Variants in FARP2 observed in about 807,000 individuals in gnomAD.
FARP2 encodes the protein FERM, ARHGEF and pleckstrin domain-containing protein 2.
In FARP2, 111 loss-of-function variants were observed where a neutral mutation model predicts 130.5. The ratio of observed to expected loss-of-function variants is 0.85; its 90% CI spans 0.73 to 1.00. The LOEUF (loss-of-function observed/expected upper bound fraction) is 1.00. Among genes scored for constraint, FARP2 ranks in the 50% least tolerant of loss-of-function variants. The probability of loss-of-function intolerance (pLI) is 0.00; values close to 1 mark genes in which losing one functional copy is unlikely to be tolerated. For synonymous variants in FARP2, 504 were observed against 516.9 expected, an observed-to-expected ratio of 0.98 and a Z score of 0.34; for missense variants, 1,385 against 1,346.3, an observed-to-expected ratio of 1.03 and a Z score of -0.45.
Position 241,431,783 on chromosome 2 carries a change from T to A in FARP2, c.867+9T>A. On this transcript the variant is annotated intron_variant, in intron 9 of 26. Coordinates refer to ENST00000264042, the MANE Select transcript of FARP2 (RefSeq NM_014808.4). ...TTCATCCAGAGGTTCATGTAAGTAT[T>A]ATTTTCAACTTTTTATTTTTATTTT... 9.4e-7 allele frequency: 1 copy of A among 1,059,878 alleles called. No homozygotes were observed. Among genetic ancestry groups the A allele is most frequent in the Non-Finnish European group, 1.3e-6 (1 of 754,664 alleles). 65.7% of individuals were successfully genotyped at this position (1,059,878 alleles called of 1,614,324 possible).
intron 2 of FARP2, among the ~76,000 whole-genome samples, chr2:241,388,695 TCA>T (rs1419617641): frequency 6.6e-6 from 1 of 152,072 alleles, no homozygotes; most frequent in East Asian, 1.9e-4. Context: ...AGGTGTGGTG[TCA>T]CTTGCCTAGA....
chr2:241,385,719 C>CA (rs1192254249), intron 2 of FARP2, among the ~76,000 whole-genome samples: 6 of 148,988 alleles, frequency 4.0e-5, no homozygotes, highest in Non-Finnish European at 6.0e-5. Flanking sequence ...GACCTTGTCT[C>CA]AAAAAAAAAG....
intron 2 of FARP2, among the ~76,000 whole-genome samples, chr2:241,374,312 A>G (rs1575467713): frequency 6.6e-6 from 1 of 152,132 alleles, no homozygotes. Flanking sequence ...TGCCCAGCCA[A>G]AAGTTCTTTT....
intron 13 of FARP2, among the ~76,000 whole-genome samples, chr2:241,453,419 G>A (rs529307949): frequency 2.6e-4 from 39 of 151,924 alleles, no homozygotes; most frequent in South Asian, 4.2e-4. Context: ...TCAGGAGATC[G>A]AGACCATCCT....
At chr2:241,424,636 C>G (rs2062886523) in intron 8 of FARP2, among the ~76,000 whole-genome samples, 1 of 152,066 alleles carries the variant, frequency 6.6e-6, no homozygotes, top group Non-Finnish European at 1.5e-5. Flanking sequence ...GATAGAGACA[C>G]AAAAACCCCT....
In FARP2 at chr2:241,456,779, TC is replaced by T. The variant is rs1420580644; in HGVS notation, c.1446del (p.Ser483AlafsTer6). The T allele has an allele frequency of 6.2e-6, 10 of 1,613,906 alleles. No homozygotes were observed. The highest frequency in any genetic ancestry group is 6.8e-6 in the Non-Finnish European group (8 of 1,179,998). On this transcript the variant is annotated frameshift_variant, in exon 14 of 27. Coordinates refer to ENST00000264042, the MANE Select transcript of FARP2 (RefSeq NM_014808.4). LOFTEE classifies it high-confidence loss of function. Reference protein sequence around the residue: ...LSTKSPQPSPSSRKSPLSLSP... With the variant: ...LSTKSPQPSPXSRKSPLSLSP... ...CACGAAGAGTCCTCAGCCTTCTCCC[TC>T]CAGCCGGAAGAGCCCCCTGAGTCTG...
intron 1 of FARP2, among the ~76,000 whole-genome samples, chr2:241,367,669 CA>C (rs2061345003): frequency 6.6e-6 from 1 of 152,030 alleles, no homozygotes; most frequent in African/African-American, 2.4e-5. Context: ...CCAAAGCAGA[CA>C]GTGAAAAATA....
At chr2:241,441,603 T>TG (rs1202843746) in intron 13 of FARP2, 47 bp downstream of exon 13, 1 of 1,613,330 alleles carries the variant, frequency 6.2e-7, no homozygotes, top group South Asian at 1.1e-5. Flanking sequence ...CTGTCTGTGC[T>TG]GGGGGGCAGA....
chr2:241,377,326 T>G (rs1025598717), intron 2 of FARP2, among the ~76,000 whole-genome samples: 7 of 150,022 alleles, frequency 4.7e-5, no homozygotes, highest in African/African-American at 1.7e-4. Context: ...TGATGTTTTG[T>G]TGGTTTCTTT....
chr2:241,436,783 G>A (rs865929456), intron 12 of FARP2, among the ~76,000 whole-genome samples: 2 of 152,246 alleles, frequency 1.3e-5, no homozygotes, highest in South Asian at 2.1e-4. Flanking sequence ...CCAGGAATTC[G>A]AGACCAGCCT....
chr2:241,391,706 G>A (rs982336919), intron 2 of FARP2, among the ~76,000 whole-genome samples: 3 of 152,174 alleles, frequency 2.0e-5, no homozygotes, highest in African/African-American at 7.2e-5. Flanking sequence ...TGGTCGTGCA[G>A]AGCTTCTGCT....
At position 241,391,041 on chromosome 2, in the gene FARP2, G is replaced by A. The variant is rs1054570567; in HGVS notation, c.184-12787G>A. Among the ~76,000 whole-genome samples the A allele has an allele frequency of 3.3e-5, 5 of 152,164 alleles. 1 individual carries two copies. The highest frequency in any genetic ancestry group is 4.1e-4 in the South Asian group (2 of 4,828). The stretch of plus-strand genomic sequence containing the variant: ...CTGACCATAGTGAGTGGGTGGGGAC[G>A]CTGACAGACACGTTTCCTTTTTGTG... On this transcript the variant is annotated intron_variant, in intron 2 of 26. Transcript: ENST00000264042.
At chr2:241,446,705 T>A (rs780971383) in intron 13 of FARP2, 5 of 152,258 alleles carry the variant, frequency 3.3e-5, no homozygotes, top group Non-Finnish European at 7.3e-5. Context: ...TAATGTTCTC[T>A]TGGGGACTTA....
chr2:241,415,989 C>CTGTGTGTGTG (rs57774022), intron 7 of FARP2, among the ~76,000 whole-genome samples: 2,053 of 141,732 alleles, frequency 0.014, 34 homozygotes, highest in Non-Finnish European at 0.02. Flanking sequence ...CAGGGTAGTT[C>CTGTGTGTGTG]TGTGTGTGTG....
At chr2:241,372,293 A>T (rs1214020087) in intron 1 of FARP2, among the ~76,000 whole-genome samples, 1 of 152,036 alleles carries the variant, frequency 6.6e-6, no homozygotes, top group Admixed American at 6.6e-5. Flanking sequence ...AGGAGCTGGG[A>T]AGGGCCTGAC....
At position 241,489,722 on chromosome 2, in the gene FARP2, G is replaced by A. The variant is rs1559815733; in HGVS notation, c.2422-240G>A. 19 of 408,432 alleles carry A rather than the reference G, an allele frequency of 4.7e-5. 1 individual carries two copies. In the South Asian group the frequency reaches 8.0e-4, roughly 17 times the overall value. The allele number at this position is 408,432 out of a possible 1,614,324, so 25.3% of individuals were successfully genotyped here. ...TGCTTGATTTTCAGCTAATAGTGCTGGACCCCCCGGTGAGTATTTGGGTGC... is the reference window on the plus strand; with the variant it reads ...TGCTTGATTTTCAGCTAATAGTGCTAGACCCCCCGGTGAGTATTTGGGTGC... On this transcript the variant is annotated intron_variant, in intron 21 of 26. Transcript: ENST00000264042.
intron 5 of FARP2, among the ~76,000 whole-genome samples, chr2:241,409,476 G>T (rs2062458682): frequency 6.6e-6 from 1 of 152,136 alleles, no homozygotes; most frequent in Admixed American, 6.5e-5. Flanking sequence ...TTGAGCCCAG[G>T]AGGTTGAGGC....
At chr2:241,407,022 A>G (rs958161765) in intron 4 of FARP2, among the ~76,000 whole-genome samples, 3 of 151,388 alleles carry the variant, frequency 2.0e-5, no homozygotes, top group Middle Eastern at 3.4e-3. Context: ...GTTGGCCAGG[A>G]TGGTCTCGAT....
At chr2:241,414,969 G>C (rs532378616) in intron 7 of FARP2, among the ~76,000 whole-genome samples, 1 of 152,346 alleles carries the variant, frequency 6.6e-6, no homozygotes, top group Non-Finnish European at 1.5e-5. Flanking sequence ...AGTGCCAACT[G>C]ATACTGGAGA....
Sources: gnomAD v4.1 joint callset for allele counts (sites outside exome capture counted in the v4.1 genomes callset) on GRCh38, gnomAD v4.1.1 for gene constraint, MANE v1.5 for transcripts, NCBI Gene and HGNC (gene_info 2026-07-23, HGNC 2026-07-21) for gene names.